The following CBLN2 variants were observed in gnomAD, a reference collection of about 807,000 sequenced individuals.
CBLN2 encodes cerebellin-2.
A neutral mutation model predicts 15.0 loss-of-function variants in CBLN2; 7 were observed. The ratio of observed to expected loss-of-function variants is 0.47; its 90% CI spans 0.27 to 0.88. CBLN2 has a LOEUF of 0.88. Among genes scored for constraint, CBLN2 ranks in the 40% least tolerant of loss-of-function variants. The pLI, the probability that CBLN2 is intolerant of heterozygous loss-of-function variation, is 0.14. For synonymous variants in CBLN2, 149 were observed against 135.2 expected (o/e 1.10, Z -0.71); for missense variants, 242 against 304.5 (o/e 0.79, Z 1.53).
intron 1 of CBLN2, among the ~76,000 whole-genome samples, chr18:72,577,348 A>C (rs1347795982): frequency 6.6e-6 from 1 of 152,178 alleles, no homozygotes; most frequent in Non-Finnish European, 1.5e-5. Flanking sequence ...ATAGATGAGG[A>C]GAAACTTTCT....
At chr18:72,609,208 T>A (rs1320432224) in intron 1 of CBLN2, among the ~76,000 whole-genome samples, 1 of 152,188 alleles carries the variant, frequency 6.6e-6, no homozygotes, top group Non-Finnish European at 1.5e-5. Context: ...GGTTATGGGA[T>A]GAATTAATAG....
Position 72,615,380 on chromosome 18 carries a change from G to T in CBLN2, c.15+22945C>A, listed in dbSNP as rs999301679. ...CAACCTCCTCCTCCCGGGTTCAAACGATTCTCCTGCCTCAGCCTCCAGAGT... is the reference window on the plus strand; with the variant it reads ...CAACCTCCTCCTCCCGGGTTCAAACTATTCTCCTGCCTCAGCCTCCAGAGT... On this transcript the variant is annotated intron_variant, in intron 1 of 2. Transcript: ENST00000581073. Among the ~76,000 whole-genome samples the T allele has an allele frequency of 7.3e-5, 11 of 150,006 alleles. No individual in the cohort carries two copies. The Admixed American group carries it at 7.4e-4, about 10-fold the overall frequency.
intron 1 of CBLN2, chr18:72,618,985 G>T (rs192406594): frequency 2.6e-6 from 2 of 764,510 alleles, no homozygotes; most frequent in African/African-American, 3.4e-5. Flanking sequence ...TGGTGGCAGC[G>T]GGGATGGTCA....
chr18:72,612,985 C>T (rs1417749732), intron 1 of CBLN2, among the ~76,000 whole-genome samples: 1 of 152,166 alleles, frequency 6.6e-6, no homozygotes, highest in Non-Finnish European at 1.5e-5. Flanking sequence ...TTTTCCAGGC[C>T]TTGCCCCGCA....
intron 1 of CBLN2, among the ~76,000 whole-genome samples, chr18:72,591,528 T>C (rs992421464): frequency 2.6e-5 from 4 of 152,190 alleles, no homozygotes; most frequent in Admixed American, 6.5e-5. Flanking sequence ...TTCCATTATT[T>C]TGAAATGCAC....
chr18:72,612,661 T>G (rs1251653606), intron 1 of CBLN2, among the ~76,000 whole-genome samples: 3 of 152,212 alleles, frequency 2.0e-5, no homozygotes, highest in African/African-American at 4.8e-5. Context: ...GCTTTAAGGT[T>G]TAGCTTAAAT....
At chr18:72,568,067 T>C (rs2069307705) in intron 1 of CBLN2, among the ~76,000 whole-genome samples, 1 of 152,220 alleles carries the variant, frequency 6.6e-6, no homozygotes, top group Non-Finnish European at 1.5e-5. Flanking sequence ...TGTCACTTTT[T>C]ATTTCGTTTC....
intron 1 of CBLN2, among the ~76,000 whole-genome samples, chr18:72,583,755 C>T (rs1275737171): frequency 6.6e-6 from 1 of 152,182 alleles, no homozygotes; most frequent in Non-Finnish European, 1.5e-5. Flanking sequence ...ATAAAGTACT[C>T]TGCAAAATAC....
intron 1 of CBLN2, among the ~76,000 whole-genome samples, chr18:72,561,943 T>C (rs144715492): frequency 6.6e-6 from 1 of 152,144 alleles, no homozygotes; most frequent in South Asian, 2.1e-4. Flanking sequence ...TGGCAGGTGG[T>C]CTATGTGATA....
chr18:72,538,857 T>C (rs2069088338), intron 3 of CBLN2, 85 bp from the exon 4 acceptor site: 2 of 1,532,694 alleles, frequency 1.3e-6, no homozygotes, highest in African/African-American at 1.4e-5. Context: ...CCAGCAACAC[T>C]GCCTCCTTCA....
intron 1 of CBLN2, among the ~76,000 whole-genome samples, chr18:72,574,924 C>T (rs1421774975): frequency 6.6e-6 from 1 of 152,126 alleles, no homozygotes; most frequent in Non-Finnish European, 1.5e-5. Flanking sequence ...TGTGGAAATG[C>T]AAGCAACGCT....
At chr18:72,599,068 TA>T (rs1245819934) in intron 1 of CBLN2, among the ~76,000 whole-genome samples, 6 of 152,196 alleles carry the variant, frequency 3.9e-5, no homozygotes, top group Non-Finnish European at 8.8e-5. Flanking sequence ...TCCCTGTAAA[TA>T]GGATTCATTT....
chr18:72,597,942 G>A (rs933220997), intron 1 of CBLN2, among the ~76,000 whole-genome samples: 2 of 152,106 alleles, frequency 1.3e-5, no homozygotes, highest in African/African-American at 4.8e-5. Flanking sequence ...TACAGACTTG[G>A]GTTCCCCTTT....
chr18:72,576,839 T>C lies in CBLN2; in HGVS notation c.16-38067A>G, dbSNP rs553784519. 1.1e-4 allele frequency among the ~76,000 whole-genome samples: 17 copies of C among 150,002 alleles called. 1 individual carries two copies. The East Asian group carries it at 3.3e-3, about 29-fold the overall frequency. ...GTAAAAAACTACCTGGCTGTTAACT[T>C]TAGAAAATTAGTGATAAATATATAT... On this transcript the variant is annotated intron_variant, in intron 1 of 2. Coordinates refer to the CBLN2 transcript ENST00000581073.
At chr18:72,622,914 G>A (rs1049170344) in intron 1 of CBLN2, among the ~76,000 whole-genome samples, 1 of 152,066 alleles carries the variant, frequency 6.6e-6, no homozygotes, top group Non-Finnish European at 1.5e-5. Flanking sequence ...TATTTTGCCT[G>A]GTGTATTAGT....
At position 72,618,282 on chromosome 18, in the gene CBLN2, T is replaced by C. The variant is rs567134143; in HGVS notation, c.15+20043A>G. 3.3e-5 allele frequency: 12 copies of C among 366,670 alleles called. No individual in the cohort carries two copies. In the East Asian group the frequency reaches 6.5e-4, roughly 20 times the overall value. 22.7% of individuals were successfully genotyped at this position (366,670 alleles called of 1,614,324 possible). A position where few individuals can be genotyped will look rare whatever the true frequency, so the allele number is the denominator to read the frequency against. ...CCCTGCTGTCATGTCTAAGTCAGAG[T>C]CTCCTAAAGAGCCCGATTAGCTGCG... On this transcript the variant is annotated intron_variant, in intron 1 of 2. Transcript: ENST00000581073.
At chr18:72,572,982 A>C (rs1166178129) in intron 1 of CBLN2, among the ~76,000 whole-genome samples, 1 of 152,190 alleles carries the variant, frequency 6.6e-6, no homozygotes. Context: ...TGATTAGTGA[A>C]GGAGCTTTTC....
intron 1 of CBLN2, among the ~76,000 whole-genome samples, chr18:72,635,748 C>A (rs72972719): frequency 6.6e-6 from 1 of 151,872 alleles, no homozygotes; most frequent in Admixed American, 6.6e-5. Flanking sequence ...GATGGAAATA[C>A]CTTATTGAAA....
intron 3 of CBLN2, among the ~76,000 whole-genome samples, chr18:72,540,781 A>G (rs1568248831): frequency 6.6e-6 from 1 of 152,166 alleles, no homozygotes; most frequent in Non-Finnish European, 1.5e-5. Flanking sequence ...GTTTATGGTT[A>G]TTAAGTTTAA....
Sources: gnomAD v4.1 joint callset for allele counts (sites outside exome capture counted in the v4.1 genomes callset) on GRCh38, gnomAD v4.1.1 for gene constraint, MANE v1.5 for transcripts, NCBI Gene and HGNC (gene_info 2026-07-23, HGNC 2026-07-21) for gene names.